The following PARD3 variants were observed in gnomAD, a reference collection of about 807,000 sequenced individuals.
PARD3 encodes partitioning defective 3 homolog.
In PARD3, 75 loss-of-function variants were observed where a neutral mutation model predicts 155.4. That is an observed-to-expected ratio of 0.48 (90% confidence interval 0.40 to 0.58). The LOEUF is 0.58. PARD3 is among the 20% of genes least tolerant of loss of function. The pLI, the probability that PARD3 is intolerant of heterozygous loss-of-function variation, is 0.00. For missense variants in PARD3, 1,642 were observed against 1,721.7 expected (o/e 0.95, Z 0.82); for synonymous variants, 576 against 610.5 (o/e 0.94, Z 0.83).
intron 1 of PARD3, among the ~76,000 whole-genome samples, chr10:34,760,830 C>CAG (rs1478413570): frequency 6.6e-6 from 1 of 152,192 alleles, no homozygotes; most frequent in African/African-American, 2.4e-5. Context: ...CTCCAGCCTT[C>CAG]AGATGACTGC....
intron 1 of PARD3, among the ~76,000 whole-genome samples, chr10:34,706,801 A>C (rs1291380496): frequency 2.0e-5 from 3 of 151,916 alleles, no homozygotes; most frequent in Non-Finnish European, 4.4e-5. Flanking sequence ...AAAAGACGAG[A>C]TCCATAAAGT....
intron 3 of PARD3, among the ~76,000 whole-genome samples, chr10:34,473,400 A>T (rs1239194939): frequency 6.6e-6 from 1 of 152,084 alleles, no homozygotes; most frequent in Non-Finnish European, 1.5e-5. Context: ...AAAACAAGTC[A>T]ACGAGGCCAG....
At chr10:34,788,679 T>A (rs765986435) in intron 1 of PARD3, among the ~76,000 whole-genome samples, 5 of 152,128 alleles carry the variant, frequency 3.3e-5, no homozygotes, top group Non-Finnish European at 5.9e-5. Flanking sequence ...CGATCTCTTG[T>A]AGGTCTGGTT....
intron 1 of PARD3, among the ~76,000 whole-genome samples, chr10:34,706,904 T>TA (rs1181477015): frequency 1.3e-5 from 2 of 151,952 alleles, no homozygotes; most frequent in African/African-American, 4.8e-5. Flanking sequence ...GCCCAGGAGT[T>TA]AGAGACCAGC....
At chr10:34,229,371 C>T (rs1474464230) in intron 22 of PARD3, among the ~76,000 whole-genome samples, 1 of 151,936 alleles carries the variant, frequency 6.6e-6, no homozygotes, top group African/African-American at 2.4e-5. Flanking sequence ...AGGTGTGTAC[C>T]ACTATGCGCA....
At chr10:34,505,549 A>T (rs1680089661) in intron 3 of PARD3, among the ~76,000 whole-genome samples, 1 of 152,188 alleles carries the variant, frequency 6.6e-6, no homozygotes, top group South Asian at 2.1e-4. Context: ...GACTCACGCC[A>T]TCCTAACGGG....
At chr10:34,592,468 G>A (rs1466705018) in intron 2 of PARD3, among the ~76,000 whole-genome samples, 1 of 152,130 alleles carries the variant, frequency 6.6e-6, no homozygotes, top group East Asian at 1.9e-4. Context: ...ACCCCATACA[G>A]AACACTGCCA....
chr10:34,600,656 TTA>T (rs2132494008), intron 2 of PARD3, among the ~76,000 whole-genome samples: 1 of 152,216 alleles, frequency 6.6e-6, no homozygotes, highest in Non-Finnish European at 1.5e-5. Context: ...AGTCTGAAAA[TTA>T]GTCTTGTTTT....
chr10:34,455,008 G>A (rs1242549321), intron 4 of PARD3, among the ~76,000 whole-genome samples: 4 of 152,036 alleles, frequency 2.6e-5, no homozygotes, highest in African/African-American at 9.7e-5. Context: ...GCTCATTCCC[G>A]GCATACTAAG....
intron 1 of PARD3, among the ~76,000 whole-genome samples, chr10:34,802,547 T>C (rs1278925866): frequency 6.6e-6 from 1 of 152,096 alleles, no homozygotes; most frequent in African/African-American, 2.4e-5. Flanking sequence ...CTTACAGAGC[T>C]TGTATTATGT....
At chr10:34,345,609 T>C in intron 15 of PARD3, 1 of 985,350 alleles carries the variant, frequency 1.0e-6, no homozygotes, top group Non-Finnish European at 1.2e-6. Context: ...TGTTATTGGT[T>C]TAGGCGAATG....
At chr10:34,800,471 C>T (rs547546294) in intron 1 of PARD3, among the ~76,000 whole-genome samples, 1 of 150,284 alleles carries the variant, frequency 6.7e-6, no homozygotes, top group Non-Finnish European at 1.5e-5. Context: ...ATTAGCCAGG[C>T]GTGGTAGTGG....
chr10:34,663,326 C>T (rs900220214), intron 2 of PARD3, among the ~76,000 whole-genome samples: 2 of 151,872 alleles, frequency 1.3e-5, no homozygotes, highest in African/African-American at 4.8e-5. Context: ...AATAGCCAGG[C>T]GTAGTAGTGC....
intron 2 of PARD3, among the ~76,000 whole-genome samples, chr10:34,536,293 C>A (rs1344488043): frequency 1.3e-5 from 2 of 152,180 alleles, no homozygotes; most frequent in African/African-American, 4.8e-5. Flanking sequence ...GTTGTTATAT[C>A]TTCAAATCTA....
At chr10:34,442,491 G>A (rs147869721) in intron 5 of PARD3, among the ~76,000 whole-genome samples, 1 of 152,296 alleles carries the variant, frequency 6.6e-6, no homozygotes, top group African/African-American at 2.4e-5. Flanking sequence ...CAGGCCGGTT[G>A]TCCTGGCGCA....
intron 20 of PARD3, among the ~76,000 whole-genome samples, chr10:34,311,387 A>C (rs1163570720): frequency 6.6e-6 from 1 of 152,150 alleles, no homozygotes; most frequent in Non-Finnish European, 1.5e-5. Flanking sequence ...TTTCAGTAAG[A>C]ATGCAATGCT....
At chr10:34,727,814 CCA>C (rs140873851) in intron 1 of PARD3, among the ~76,000 whole-genome samples, 2,813 of 142,484 alleles carry the variant, frequency 0.02, 94 homozygotes, top group African/African-American at 0.068. Context: ...CCTCCCTCCA[CCA>C]CACACACACA....
Position 34,544,980 on chromosome 10 carries a change from T to C in PARD3, c.223-27821A>G, listed in dbSNP as rs564556004. 2.0e-5 allele frequency among the ~76,000 whole-genome samples: 3 copies of C among 152,292 alleles called. No individual in the cohort carries two copies. The South Asian group carries it at 6.2e-4, about 32-fold the overall frequency. ...ACTTTCTGCTCTCATAGTACCTGTATTGAGTTCGTGCACTCAATAAATTGC... is the reference window on the plus strand; with the variant it reads ...ACTTTCTGCTCTCATAGTACCTGTACTGAGTTCGTGCACTCAATAAATTGC... On this transcript the variant is annotated intron_variant, in intron 2 of 24. Transcript: ENST00000374788.
At chr10:34,175,109 T>C (rs1029255277) in intron 22 of PARD3, among the ~76,000 whole-genome samples, 4 of 152,214 alleles carry the variant, frequency 2.6e-5, no homozygotes, top group African/African-American at 9.6e-5. Flanking sequence ...CATTATATGA[T>C]GAGAACTAAT....
Sources: gnomAD v4.1 joint callset for allele counts (sites outside exome capture counted in the v4.1 genomes callset) on GRCh38, gnomAD v4.1.1 for gene constraint, MANE v1.5 for transcripts, NCBI Gene and HGNC (gene_info 2026-07-23, HGNC 2026-07-21) for gene names.